Variants in SYT1 observed in about 807,000 individuals in gnomAD.
The protein encoded by SYT1 is synaptotagmin 1.
Under a neutral mutation model 44.8 loss-of-function variants are expected in SYT1, and 8 were observed. That is an observed-to-expected ratio of 0.18 (90% CI 0.10 to 0.32). The LOEUF (loss-of-function observed/expected upper bound fraction) is 0.32, where lower values mean the gene tolerates loss of function less well. SYT1 is among the 10% of genes least tolerant of loss of function. The probability of loss-of-function intolerance (pLI) is 1.00; values close to 1 mark genes in which losing one functional copy is unlikely to be tolerated. For synonymous variants in SYT1, 154 were observed against 188.8 expected (o/e 0.82, Z 1.51); for missense variants, 286 against 509.3 (o/e 0.56, Z 4.22).
chr12:78,977,276 C>T (rs903650079), intron 1 of SYT1, among the ~76,000 whole-genome samples: 9 of 152,110 alleles, frequency 5.9e-5, no homozygotes, highest in African/African-American at 2.2e-4. Flanking sequence ...TTTTTATTAG[C>T]ACTGCTGCAG....
chr12:78,876,737 A>G (rs1178546429), intron 1 of SYT1, among the ~76,000 whole-genome samples: 1 of 106,668 alleles, frequency 9.4e-6, no homozygotes, highest in African/African-American at 3.8e-5. Context: ...ATTATATATT[A>G]TATATTATAT....
chr12:79,318,860 G>C (rs1165008695), intron 8 of SYT1, among the ~76,000 whole-genome samples: 1 of 152,188 alleles, frequency 6.6e-6, no homozygotes, highest in Admixed American at 6.5e-5. Context: ...AGTGAGATTA[G>C]AATATTAAAA....
Position 79,086,431 on chromosome 12 carries a change from G to A in SYT1, c.-18+39069G>A, listed in dbSNP as rs189584877. The stretch of plus-strand genomic sequence containing the variant: ...AGTACCAATCTCAGAACACGGTGAC[G>A]AAAAATATTTTCTGCAGATTAAAAT... On this transcript the variant is annotated intron_variant, in intron 3 of 10. Coordinates refer to ENST00000261205, the MANE Select transcript of SYT1 (RefSeq NM_005639.3). Among the ~76,000 whole-genome samples, 16 of 152,238 alleles carry A rather than the reference G, an allele frequency of 1.1e-4. No homozygotes were observed. The East Asian group carries it at 1.4e-3, about 13-fold the overall frequency.
intron 4 of SYT1, among the ~76,000 whole-genome samples, chr12:79,255,359 T>C (rs1156485312): frequency 1.3e-5 from 2 of 152,248 alleles, no homozygotes; most frequent in African/African-American, 4.8e-5. Flanking sequence ...TTAATATATG[T>C]ACATTGATTT....
At chr12:79,288,368 G>A (rs962025447) in intron 5 of SYT1, among the ~76,000 whole-genome samples, 36 of 152,082 alleles carry the variant, frequency 2.4e-4, no homozygotes, top group Middle Eastern at 3.4e-3. Flanking sequence ...TGCCCTTCTC[G>A]TTTAAAAACA....
At chr12:79,040,381 G>A (rs1386354431) in intron 2 of SYT1, among the ~76,000 whole-genome samples, 1 of 152,186 alleles carries the variant, frequency 6.6e-6, no homozygotes, top group Non-Finnish European at 1.5e-5. Flanking sequence ...CAGTGATGAT[G>A]AGCATTTCTT....
intron 9 of SYT1, among the ~76,000 whole-genome samples, chr12:79,433,507 G>A (rs1047569159): frequency 4.0e-5 from 6 of 151,784 alleles, no homozygotes; most frequent in South Asian, 4.2e-4. Context: ...GAAAAATCTC[G>A]CTAGTGACCT....
intron 8 of SYT1, among the ~76,000 whole-genome samples, chr12:79,312,690 T>C (rs2138943329): frequency 6.6e-6 from 1 of 152,176 alleles, no homozygotes; most frequent in South Asian, 2.1e-4. Context: ...TTAAGTTATA[T>C]TTTTTCCTTT....
intron 3 of SYT1, among the ~76,000 whole-genome samples, chr12:79,067,033 G>A (rs887901538): frequency 7.9e-5 from 12 of 152,132 alleles, no homozygotes; most frequent in African/African-American, 2.4e-4. Flanking sequence ...TTGCCTCCAC[G>A]CAGTGTGCTT....
At chr12:79,417,647 G>A (rs1282455637) in intron 9 of SYT1, among the ~76,000 whole-genome samples, 2 of 152,046 alleles carry the variant, frequency 1.3e-5, no homozygotes, top group African/African-American at 4.8e-5. Flanking sequence ...TTCATGACAA[G>A]GTCCAGGCCT....
chr12:79,398,059 TA>T (rs1374943883), intron 9 of SYT1, among the ~76,000 whole-genome samples: 1 of 152,222 alleles, frequency 6.6e-6, no homozygotes, highest in East Asian at 1.9e-4. Flanking sequence ...CTAATTGAAT[TA>T]ATTTCTACAT....
intron 1 of SYT1, among the ~76,000 whole-genome samples, chr12:78,944,014 C>G (rs189118878): frequency 6.6e-6 from 1 of 152,194 alleles, no homozygotes; most frequent in African/African-American, 2.4e-5. Flanking sequence ...GATGATATCT[C>G]ATAAACATTG....
intron 1 of SYT1, among the ~76,000 whole-genome samples, chr12:78,902,982 C>T (rs769884607): frequency 9.2e-5 from 14 of 152,040 alleles, no homozygotes; most frequent in Non-Finnish European, 1.5e-4. Flanking sequence ...ACTCTACTAA[C>T]GTAAGTTCTG....
chr12:78,982,138 A>G (rs1377992462), intron 2 of SYT1, among the ~76,000 whole-genome samples: 1 of 152,184 alleles, frequency 6.6e-6, no homozygotes, highest in African/African-American at 2.4e-5. Context: ...TTCTACATTC[A>G]AAGTGAAGAA....
intron 4 of SYT1, among the ~76,000 whole-genome samples, chr12:79,241,173 C>CAAAACA (rs1592887947): frequency 6.6e-6 from 1 of 151,498 alleles, no homozygotes; most frequent in Non-Finnish European, 1.5e-5. Context: ...AACCCTGTCT[C>CAAAACA]AAAACAAAAA....
intron 4 of SYT1, among the ~76,000 whole-genome samples, chr12:79,218,268 T>C (rs1001997041): frequency 5.3e-5 from 8 of 152,194 alleles, no homozygotes; most frequent in Non-Finnish European, 8.8e-5. Context: ...ATCATACTAT[T>C]GTACAACATG....
intron 3 of SYT1, among the ~76,000 whole-genome samples, chr12:79,144,976 A>G (rs1288633143): frequency 6.6e-6 from 1 of 152,158 alleles, no homozygotes; most frequent in African/African-American, 2.4e-5. Context: ...TTTTTTTCCT[A>G]CAAACATCAT....
intron 3 of SYT1, among the ~76,000 whole-genome samples, chr12:79,150,372 C>T (rs1662096773): frequency 6.6e-6 from 1 of 152,110 alleles, no homozygotes; most frequent in Non-Finnish European, 1.5e-5. Flanking sequence ...ATTGCATGGT[C>T]TCACTTATAT....
At chr12:79,325,050 G>C (rs1282273535) in intron 8 of SYT1, among the ~76,000 whole-genome samples, 1 of 152,120 alleles carries the variant, frequency 6.6e-6, no homozygotes, top group Non-Finnish European at 1.5e-5. Context: ...AAAAATCTTT[G>C]GTAGTTGGTG....
Sources: gnomAD v4.1 joint callset for allele counts (sites outside exome capture counted in the v4.1 genomes callset) on GRCh38, gnomAD v4.1.1 for gene constraint, MANE v1.5 for transcripts, NCBI Gene and HGNC (gene_info 2026-07-23, HGNC 2026-07-21) for gene names.